Variants in CALN1 observed in about 807,000 individuals in gnomAD.
CALN1 encodes calcium-binding protein 8.
In CALN1, 17 loss-of-function variants were observed where a neutral mutation model predicts 30.6. The ratio of observed to expected loss-of-function variants is 0.56; its 90% CI spans 0.38 to 0.83. CALN1 has a LOEUF of 0.83. CALN1 is among the 40% of genes least tolerant of loss of function. CALN1 has a pLI of 0.00. For missense variants in CALN1, 291 were observed against 354.9 expected (o/e 0.82, Z 1.45); for synonymous variants, 156 against 131.4 (o/e 1.19, Z -1.28).
intron 2 of CALN1, among the ~76,000 whole-genome samples, chr7:72,331,908 T>C (rs1801705376): frequency 6.6e-6 from 1 of 152,192 alleles, no homozygotes. Flanking sequence ...CATGGGTCCA[T>C]ATGTTCTCAT....
At chr7:72,240,924 A>C (rs1794786655) in intron 3 of CALN1, among the ~76,000 whole-genome samples, 1 of 152,188 alleles carries the variant, frequency 6.6e-6, no homozygotes, top group Non-Finnish European at 1.5e-5. Flanking sequence ...TTTGGTTTTT[A>C]AAAGCATTAT....
At chr7:71,963,585 A>G (rs924001771) in intron 5 of CALN1, among the ~76,000 whole-genome samples, 26 of 151,890 alleles carry the variant, frequency 1.7e-4, no homozygotes, top group South Asian at 6.2e-4. Context: ...GATTACAGGT[A>G]TGAGCCACCG....
chr7:71,823,442 G>A (rs932179179), intron 5 of CALN1, among the ~76,000 whole-genome samples: 82 of 152,308 alleles, frequency 5.4e-4, no homozygotes, highest in Admixed American at 2.2e-3. Context: ...GGCTTGGGCC[G>A]GGAGCGGTGG....
intron 3 of CALN1, among the ~76,000 whole-genome samples, chr7:72,229,261 G>C (rs1562769386): frequency 6.6e-6 from 1 of 152,012 alleles, no homozygotes; most frequent in Non-Finnish European, 1.5e-5. Context: ...AAGAGATCTT[G>C]AGATGGGGGT....
chr7:72,090,789 G>A (rs1256826400), intron 4 of CALN1, among the ~76,000 whole-genome samples: 6 of 152,096 alleles, frequency 3.9e-5, no homozygotes, highest in Admixed American at 6.6e-5. Flanking sequence ...GGGTTGAACT[G>A]GAAGACACTA....
chr7:71,873,124 G>A (rs901511146), intron 5 of CALN1, among the ~76,000 whole-genome samples: 4 of 149,472 alleles, frequency 2.7e-5, no homozygotes, highest in African/African-American at 5.0e-5. Context: ...CTGCCTCAGC[G>A]TCTTGAGTAG....
intron 5 of CALN1, among the ~76,000 whole-genome samples, chr7:71,864,113 CA>C (rs1264295536): frequency 2.0e-5 from 3 of 152,146 alleles, no homozygotes; most frequent in Non-Finnish European, 4.4e-5. Flanking sequence ...TACAATTCTT[CA>C]AATAGCTTCT....
At chr7:72,322,434 T>C (rs775623895) in intron 2 of CALN1, among the ~76,000 whole-genome samples, 33 of 152,170 alleles carry the variant, frequency 2.2e-4, no homozygotes, top group Non-Finnish European at 4.0e-4. Flanking sequence ...GACCAGTCAG[T>C]ACCCATCCAT....
intron 2 of CALN1, among the ~76,000 whole-genome samples, chr7:72,347,591 G>GC (rs1585553387): frequency 6.6e-6 from 1 of 152,040 alleles, no homozygotes; most frequent in Admixed American, 6.6e-5. Flanking sequence ...AAGCAGCCAG[G>GC]CCCCCTCTCC....
intron 4 of CALN1, among the ~76,000 whole-genome samples, chr7:72,036,435 C>A (rs923976078): frequency 3.3e-5 from 5 of 152,156 alleles, no homozygotes; most frequent in African/African-American, 9.7e-5. Flanking sequence ...CTGCTCCCTC[C>A]CCTATCTTCT....
At chr7:72,225,461 G>A (rs904369876) in intron 3 of CALN1, among the ~76,000 whole-genome samples, 2 of 152,064 alleles carry the variant, frequency 1.3e-5, no homozygotes, top group South Asian at 2.1e-4. Context: ...GCTTTCCGCC[G>A]TGTTGGTCAA....
rs1049455425 is a variant in CALN1, at chr7:72,340,281, C to T, written c.120-61471G>A. ...AGAGATGGGATCTCCCTATGTTGCC[C>T]AGGCTGGTCTCAAACTCCTGGCCTC... On this transcript the variant is annotated intron_variant, in intron 2 of 6. Coordinates refer to ENST00000395275, the MANE Select transcript of CALN1 (RefSeq NM_031468.4). Among the ~76,000 whole-genome samples the T allele has an allele frequency of 2.4e-4, 37 of 152,264 alleles. 1 individual carries two copies. Among genetic ancestry groups the T allele is most frequent in the African/African-American group, 7.0e-4 (29 of 41,558 alleles).
intron 4 of CALN1, among the ~76,000 whole-genome samples, chr7:72,093,906 G>A (rs1005584950): frequency 6.6e-6 from 1 of 152,154 alleles, no homozygotes; most frequent in Non-Finnish European, 1.5e-5. Flanking sequence ...TTCAGAACAG[G>A]AATTTTTAGG....
intron 3 of CALN1, among the ~76,000 whole-genome samples, chr7:72,148,976 G>T (rs1307036230): frequency 1.3e-5 from 2 of 150,124 alleles, no homozygotes; most frequent in African/African-American, 4.9e-5. Flanking sequence ...GAGGGAGGGA[G>T]GGAGGGAGGA....
At chr7:72,341,545 CAAACAAAT>C (rs779022572) in intron 2 of CALN1, among the ~76,000 whole-genome samples, 3 of 128,340 alleles carry the variant, frequency 2.3e-5, no homozygotes, top group Non-Finnish European at 5.4e-5. Context: ...AACAGACAAA[CAAACAAAT>C]GCCTTGGTAA....
At chr7:72,317,070 G>A (rs1378435071) in intron 2 of CALN1, among the ~76,000 whole-genome samples, 11 of 128,114 alleles carry the variant, frequency 8.6e-5, no homozygotes, top group Non-Finnish European at 1.6e-5. Flanking sequence ...GAGAGAAAGA[G>A]AGACACAGAA....
At chr7:72,411,965 A>C (rs929993000) in intron 1 of CALN1, 93 bp downstream of exon 1, 1 of 152,224 alleles carries the variant, frequency 6.6e-6, no homozygotes, top group South Asian at 2.1e-4. Flanking sequence ...ACTTGTCTCC[A>C]GACTATGAAA....
intron 1 of CALN1, among the ~76,000 whole-genome samples, chr7:72,440,502 A>G (rs1215127016): frequency 6.6e-6 from 1 of 152,200 alleles, no homozygotes; most frequent in Admixed American, 6.5e-5. Flanking sequence ...CCTGGACAAC[A>G]TAGTGAGACT....
chr7:72,500,269 C>CTTT, the CALN1 span, among the ~76,000 whole-genome samples: 688 of 51,404 alleles, frequency 0.013, 31 homozygotes, highest in East Asian at 0.023. Flanking sequence ...TTCGTTCCTT[C>CTTT]TTTTTTTTTT....
Sources: gnomAD v4.1 joint callset for allele counts (sites outside exome capture counted in the v4.1 genomes callset) on GRCh38, gnomAD v4.1.1 for gene constraint, MANE v1.5 for transcripts, NCBI Gene and HGNC (gene_info 2026-07-23, HGNC 2026-07-21) for gene names.